The following SPAG16 variants were observed in gnomAD, a reference collection of about 807,000 sequenced individuals.
SPAG16 encodes the protein sperm-associated antigen 16 protein.
Under a neutral mutation model 80.4 loss-of-function variants are expected in SPAG16, and 86 were observed. The ratio of observed to expected loss-of-function variants is 1.07; its 90% CI spans 0.90 to 1.28. The LOEUF (loss-of-function observed/expected upper bound fraction) is 1.28, where lower values mean the gene tolerates loss of function less well. Ranked by LOEUF, SPAG16 falls within the 50% of genes most tolerant of loss-of-function variation. SPAG16 has a pLI of 0.00. For synonymous variants in SPAG16, 294 were observed against 265.9 expected, an observed-to-expected ratio of 1.11 and a Z score of -1.03; for missense variants, 870 against 765.3, an observed-to-expected ratio of 1.14 and a Z score of -1.61.
chr2:213,382,831 T>G (rs2067240445), intron 9 of SPAG16, among the ~76,000 whole-genome samples: 1 of 152,154 alleles, frequency 6.6e-6, no homozygotes, highest in Non-Finnish European at 1.5e-5. Flanking sequence ...TGGTCAAGGT[T>G]ACTTTAGTTT....
chr2:213,387,429 CTCTTTTTT>C (rs1459933471), intron 9 of SPAG16, among the ~76,000 whole-genome samples: 3 of 71,760 alleles, frequency 4.2e-5, no homozygotes, highest in Non-Finnish European at 7.2e-5. Flanking sequence ...GAAATGCATG[CTCTTTTTT>C]TTTTTTTTTT....
chr2:213,662,657 C>T (rs1171135314), intron 10 of SPAG16, among the ~76,000 whole-genome samples: 2 of 152,012 alleles, frequency 1.3e-5, no homozygotes, highest in Non-Finnish European at 2.9e-5. Context: ...TTGTCAATAA[C>T]TGATTTTTTT....
At chr2:213,888,397 C>G (rs891011689) in intron 11 of SPAG16, among the ~76,000 whole-genome samples, 2 of 151,936 alleles carry the variant, frequency 1.3e-5, no homozygotes, top group Admixed American at 6.6e-5. Context: ...ATTATTATCT[C>G]TTAAAAAACT....
At chr2:214,219,347 A>G (rs1057083582) in intron 15 of SPAG16, among the ~76,000 whole-genome samples, 3 of 152,118 alleles carry the variant, frequency 2.0e-5, no homozygotes, top group African/African-American at 4.8e-5. Context: ...GAAACTTTGT[A>G]AAGTAAAAGA....
chr2:213,909,474 C>G (rs560904114), intron 11 of SPAG16, among the ~76,000 whole-genome samples: 1 of 152,226 alleles, frequency 6.6e-6, no homozygotes, highest in South Asian at 2.1e-4. Flanking sequence ...TGACTTCAAA[C>G]TATACTACAA....
At position 214,326,888 on chromosome 2, in the gene SPAG16, T is replaced by A. The variant is rs567741189; in HGVS notation, c.1721-83252T>A. On this transcript the variant is annotated intron_variant, in intron 15 of 15. Transcript: ENST00000331683. Reference sequence around the variant, plus strand: ...TGAACCCAGGAGGCAGAGCTTGCAGTGAGCCGAGATTGCACCACTGCGCTC... The same window carrying A: ...TGAACCCAGGAGGCAGAGCTTGCAGAGAGCCGAGATTGCACCACTGCGCTC... Among the ~76,000 whole-genome samples, 6 of 132,642 alleles carry A rather than the reference T, an allele frequency of 4.5e-5. No homozygotes were observed. In the East Asian group the frequency reaches 1.3e-3, roughly 30 times the overall value. The allele number at this position is 132,642 out of a possible 152,430, so 87.0% of individuals were successfully genotyped here.
intron 10 of SPAG16, among the ~76,000 whole-genome samples, chr2:213,760,036 A>G (rs2125517249): frequency 6.6e-6 from 1 of 152,154 alleles, no homozygotes; most frequent in Admixed American, 6.5e-5. Context: ...CTCTGTCTCA[A>G]AAAAAGAAAA....
intron 10 of SPAG16, among the ~76,000 whole-genome samples, chr2:213,761,177 G>T (rs2068635287): frequency 6.6e-6 from 1 of 152,130 alleles, no homozygotes; most frequent in South Asian, 2.1e-4. Flanking sequence ...CTTAAACAAT[G>T]AACGTTATCA....
intron 15 of SPAG16, among the ~76,000 whole-genome samples, chr2:214,332,305 T>G (rs1696976374): frequency 6.6e-6 from 1 of 152,158 alleles, no homozygotes; most frequent in Admixed American, 6.5e-5. Context: ...TGTGGAATTC[T>G]TTGAAGAATT....
At chr2:214,174,550 G>A (rs2057001747) in intron 15 of SPAG16, among the ~76,000 whole-genome samples, 1 of 151,830 alleles carries the variant, frequency 6.6e-6, no homozygotes, top group Admixed American at 6.6e-5. Context: ...TATTAATGTT[G>A]AAACAGTTCA....
chr2:213,473,266 C>G (rs2073184055), intron 9 of SPAG16, among the ~76,000 whole-genome samples: 1 of 152,156 alleles, frequency 6.6e-6, no homozygotes, highest in African/African-American at 2.4e-5. Flanking sequence ...CTATGCTCAC[C>G]TTGCTTTTGA....
At chr2:213,496,752 C>T (rs891941387) in intron 10 of SPAG16, among the ~76,000 whole-genome samples, 4 of 150,292 alleles carry the variant, frequency 2.7e-5, no homozygotes, top group Admixed American at 2.0e-4. Flanking sequence ...TTATATATAT[C>T]CATATATAAA....
intron 3 of SPAG16, among the ~76,000 whole-genome samples, chr2:213,304,228 CT>C (rs1333212344): frequency 4.0e-5 from 6 of 151,524 alleles, no homozygotes; most frequent in Non-Finnish European, 8.9e-5. Context: ...TTTAAAATTA[CT>C]TTTTTTCTTT....
At chr2:214,097,654 A>T (rs1268576497) in intron 13 of SPAG16, among the ~76,000 whole-genome samples, 2 of 151,852 alleles carry the variant, frequency 1.3e-5, no homozygotes, top group Non-Finnish European at 2.9e-5. Flanking sequence ...CATTTACCAA[A>T]CTTGCAATGT....
At chr2:213,990,229 T>G (rs2046209686) in intron 12 of SPAG16, among the ~76,000 whole-genome samples, 1 of 152,154 alleles carries the variant, frequency 6.6e-6, no homozygotes. Flanking sequence ...CCTTTGAATA[T>G]TAACATATCT....
At chr2:213,789,914 T>G (rs184735093) in intron 10 of SPAG16, among the ~76,000 whole-genome samples, 1 of 151,988 alleles carries the variant, frequency 6.6e-6, no homozygotes, top group African/African-American at 2.4e-5. Flanking sequence ...TATCATCCAA[T>G]GTATTTTGAG....
At chr2:214,364,353 C>T (rs775302755) in intron 15 of SPAG16, among the ~76,000 whole-genome samples, 3 of 152,064 alleles carry the variant, frequency 2.0e-5, no homozygotes, top group Non-Finnish European at 2.9e-5. Context: ...CACGCTTTCT[C>T]CTTAAAATGT....
chr2:214,187,585 G>A (rs1054147539), intron 15 of SPAG16, among the ~76,000 whole-genome samples: 1 of 152,022 alleles, frequency 6.6e-6, no homozygotes, highest in Non-Finnish European at 1.5e-5. Context: ...CCCCTAGCTT[G>A]AACGGAAGCT....
At chr2:214,320,942 A>T (rs1448736056) in intron 15 of SPAG16, among the ~76,000 whole-genome samples, 1 of 152,246 alleles carries the variant, frequency 6.6e-6, no homozygotes, top group Non-Finnish European at 1.5e-5. Flanking sequence ...AATGTAAAGT[A>T]TGTTGGTTGG....
Sources: allele counts gnomAD v4.1 joint callset (sites outside exome capture counted in the v4.1 genomes callset), GRCh38; gene constraint gnomAD v4.1.1; transcripts MANE v1.5; gene names NCBI Gene and HGNC (gene_info 2026-07-23, HGNC 2026-07-21).